KIF21B: variants seen among roughly 807,000 people sequenced by gnomAD.
KIF21B encodes kinesin-like protein KIF21B.
KIF21B carries 85 observed loss-of-function variants against 192.9 expected under a neutral mutation model. The observed-to-expected ratio is 0.44, with a 90% confidence interval of 0.37 to 0.53. KIF21B has a LOEUF of 0.53. Ranked by LOEUF, KIF21B falls within the 20% of genes least tolerant of loss-of-function variation. KIF21B has a pLI of 0.00. For missense variants in KIF21B, 1,716 were observed against 2,194.8 expected, an observed-to-expected ratio of 0.78 and a Z score of 4.36; for synonymous variants, 832 against 884.6, an observed-to-expected ratio of 0.94 and a Z score of 1.05.
intron 14 of KIF21B, among the ~76,000 whole-genome samples, chr1:200,997,483 G>T (rs1233603388): frequency 6.6e-6 from 1 of 152,206 alleles, no homozygotes; most frequent in Non-Finnish European, 1.5e-5. Flanking sequence ...GGTGGCTCAT[G>T]CCTGTAATCC....
intron 1 of KIF21B, among the ~76,000 whole-genome samples, chr1:201,021,332 G>C (rs1484682766): frequency 1.4e-4 from 21 of 152,258 alleles, no homozygotes; most frequent in Non-Finnish European, 5.9e-5. Context: ...CGCTCATGCT[G>C]GGGTGGGAGG....
At chr1:200,989,523 A>G (rs917552929) in intron 21 of KIF21B, among the ~76,000 whole-genome samples, 1 of 152,180 alleles carries the variant, frequency 6.6e-6, no homozygotes, top group Non-Finnish European at 1.5e-5. Context: ...GTCGAGGGAC[A>G]CCTGATGTTC....
chr1:200,986,720 A>G, intron 26 of KIF21B, 124 bp downstream of exon 26: 1 of 829,854 alleles, frequency 1.2e-6, no homozygotes, highest in South Asian at 1.7e-5. Context: ...TGAATGGCTC[A>G]GTCAAGCTGG....
chr1:201,022,703 C>T (rs1658916615), intron 1 of KIF21B, among the ~76,000 whole-genome samples: 2 of 152,214 alleles, frequency 1.3e-5, no homozygotes, highest in African/African-American at 2.4e-5. Flanking sequence ...CTGCATCACA[C>T]CCTCCTGCCC....
intron 14 of KIF21B, among the ~76,000 whole-genome samples, chr1:200,997,295 A>G (rs1230045770): frequency 6.6e-6 from 1 of 152,070 alleles, no homozygotes; most frequent in Admixed American, 6.5e-5. Flanking sequence ...TGGTCCCCTT[A>G]TCGTTCTGCC....
rs1490706630 is a variant in KIF21B at position 200,971,952 on chromosome 1, C to T, written c.*1569G>A. ...AACCACCTCTGGAAAGTCCAAAAGT[C>T]ACTGCGTCCTCTGAAGGGAGGTGGG... On this transcript the variant is annotated 3_prime_UTR_variant, in exon 35 of 35. Coordinates refer to ENST00000461742, the MANE Select transcript of KIF21B (RefSeq NM_001252102.2). 6.6e-6 allele frequency: 1 copy of T among 152,070 alleles called. No homozygotes were observed. The highest frequency in any genetic ancestry group is 1.5e-5 in the Non-Finnish European group (1 of 68,022). 9.4% of individuals were successfully genotyped at this position (152,070 alleles called of 1,614,324 possible).
At chr1:200,978,698 A>G (rs1316319356) in intron 30 of KIF21B, among the ~76,000 whole-genome samples, 1 of 152,114 alleles carries the variant, frequency 6.6e-6, no homozygotes, top group African/African-American at 2.4e-5. Context: ...CATTATTATT[A>G]TTTTTTGAAA....
chr1:201,004,539 A>G (rs778105018), intron 6 of KIF21B, 84 bp from the exon 7 acceptor site: 1 of 1,262,806 alleles, frequency 7.9e-7, no homozygotes. Context: ...ACCCATCTGT[A>G]CCTGCCTCTT....
In KIF21B at chr1:200,998,240, G is replaced by T; in HGVS notation, c.2077+144C>A. ...TAGACGTAAGAACCTTTAACTGTGG[G>T]TCAAAGGACCACAGTCAAAGGTTGG... is the stretch of plus-strand genomic sequence containing the variant. On this transcript the variant is annotated intron_variant, in intron 14 of 34. Coordinates refer to ENST00000461742, the MANE Select transcript of KIF21B (RefSeq NM_001252102.2). This position sits in a 1 kb window ranked among gnomAD's most constrained non-coding sequence, Gnocchi z 4.3. 2 of 740,294 alleles carry T rather than the reference G, an allele frequency of 2.7e-6. No homozygotes were observed. Among genetic ancestry groups the T allele is most frequent in the Non-Finnish European group, 4.5e-6 (2 of 445,602 alleles). 45.9% of individuals were successfully genotyped at this position (740,294 alleles called of 1,614,324 possible). A position where few individuals can be genotyped will look rare whatever the true frequency, so the allele number is the denominator to read the frequency against.
At chr1:200,996,497 A>C in intron 14 of KIF21B, 102 bp from the exon 15 acceptor site, 1 of 1,046,090 alleles carries the variant, frequency 9.6e-7, no homozygotes, top group Non-Finnish European at 1.4e-6. Flanking sequence ...TTCCAGTCTC[A>C]TTGTATGACC....
intron 21 of KIF21B, 148 bp downstream of exon 21, chr1:200,989,794 G>A: frequency 1.6e-6 from 1 of 621,280 alleles, no homozygotes; most frequent in Non-Finnish European, 2.9e-6. Context: ...TACAGCTGTG[G>A]CATGGGAGGT....
At chr1:200,992,483 G>A (rs1292359237) in intron 15 of KIF21B, 94 bp from the exon 16 acceptor site, 1 of 1,296,714 alleles carries the variant, frequency 7.7e-7, no homozygotes, top group Non-Finnish European at 1.1e-6. Context: ...GCATGGGGCA[G>A]GGATAGTGGC....
Position 200,999,540 on chromosome 1 carries a change from C to T in KIF21B, c.1768-74G>A, listed in dbSNP as rs755155874. 20 of 1,573,844 alleles carry T rather than the reference C, an allele frequency of 1.3e-5. No individual in the cohort carries two copies. Among genetic ancestry groups the T allele is most frequent in the East Asian group, 4.5e-5 (2 of 44,732 alleles). ...CCAGAAGCAGAGGTGCATCCCGACA[C>T]AATGCCTCAGGTGTGTCAGGAGGGT... On this transcript the variant is annotated intron_variant, in intron 12 of 34. Transcript: ENST00000461742. The surrounding 1 kb of genome is among the most constrained non-coding windows in gnomAD (Gnocchi z 4.7).
In KIF21B at chr1:200,990,002, G is replaced by C. The variant is rs1447997633; in HGVS notation, c.3072C>G (p.Ser1024=). ...DSTDTSVVIS[S]CSLAEARLLL... ...GGAGGCGGGCTTCAGCCAGGGAGCA[G>C]GAGCTGATGACCACGGATGTGTCTG... Residue 1024 remains serine (S), a synonymous_variant, in exon 21 of 35, where the codon TCC becomes TCG. Coordinates refer to ENST00000461742, the MANE Select transcript of KIF21B (RefSeq NM_001252102.2). The surrounding 1 kb of genome is among the most constrained non-coding windows in gnomAD (Gnocchi z 5.4). 1 of 1,614,032 alleles carries C rather than the reference G, an allele frequency of 6.2e-7. No individual in the cohort carries two copies. Among genetic ancestry groups the C allele is most frequent in the South Asian group, 1.1e-5 (1 of 91,078 alleles).
rs1657203881 is a variant in KIF21B, at chr1:200,998,311, G to T, written c.2077+73C>A. On this transcript the variant is annotated intron_variant, in intron 14 of 34. Transcript: ENST00000461742. This position sits in a 1 kb window ranked among gnomAD's most constrained non-coding sequence, Gnocchi z 4.3. ...CCAGGATAACCCCAACACACCAGCTGCTTTTGACAGAGGAGGGGCTCAGGG... is the reference window on the plus strand; with the variant it reads ...CCAGGATAACCCCAACACACCAGCTTCTTTTGACAGAGGAGGGGCTCAGGG... The T allele has an allele frequency of 6.9e-7, 1 of 1,444,716 alleles. No homozygotes were observed. Among genetic ancestry groups the T allele is most frequent in the Admixed American group, 1.8e-5 (1 of 55,020 alleles). 89.5% of individuals were successfully genotyped at this position (1,444,716 alleles called of 1,614,324 possible).
At chr1:201,007,906 T>C (rs566284147) in intron 3 of KIF21B, among the ~76,000 whole-genome samples, 1 of 152,324 alleles carries the variant, frequency 6.6e-6, no homozygotes, top group Non-Finnish European at 1.5e-5. Context: ...GCAGTCCATT[T>C]ATCAGAAGCG....
intron 9 of KIF21B, chr1:201,001,910 C>T (rs779423042): frequency 3.6e-4 from 195 of 534,926 alleles, no homozygotes; most frequent in Non-Finnish European, 5.5e-4. Context: ...GTGGAGGGTT[C>T]AGGGAGAGGC....
At position 200,972,565 on chromosome 1, in the gene KIF21B, G is replaced by A. The variant is rs1454764154; in HGVS notation, c.*956C>T. The stretch of plus-strand genomic sequence containing the variant: ...ACATGTGGTGCCGCGGGCATGGCTG[G>A]TGTAAGGCTGCCCGGCACGGGTGCC... On this transcript the variant is annotated 3_prime_UTR_variant, in exon 35 of 35. Transcript: ENST00000461742. 2 of 152,684 alleles carry A rather than the reference G, an allele frequency of 1.3e-5. No individual in the cohort carries two copies. The highest frequency in any genetic ancestry group is 3.9e-4 in the East Asian group (2 of 5,178). The allele number at this position is 152,684 out of a possible 1,614,324, so 9.5% of individuals were successfully genotyped here.
chr1:201,019,400 C>T (rs1035764810), intron 1 of KIF21B, among the ~76,000 whole-genome samples: 1 of 152,180 alleles, frequency 6.6e-6, no homozygotes, highest in African/African-American at 2.4e-5. Context: ...GTGGGTAAAA[C>T]TGAGGCCCAC....
Sources: allele counts gnomAD v4.1 joint callset (sites outside exome capture counted in the v4.1 genomes callset), GRCh38; gene constraint gnomAD v4.1.1; non-coding constraint Gnocchi (gnomAD v3.1); transcripts MANE v1.5; gene names NCBI Gene and HGNC (gene_info 2026-07-23, HGNC 2026-07-21).